PLEKHM1: variants seen among roughly 807,000 people sequenced by gnomAD.
The protein encoded by PLEKHM1 is pleckstrin homology and RUN domain containing M1, also known as pleckstrin homology domain-containing family M member 1.
A neutral mutation model predicts 94.3 loss-of-function variants in PLEKHM1; 28 were observed. The observed-to-expected ratio is 0.30, with a 90% CI of 0.22 to 0.41. The LOEUF is 0.41. Ranked by LOEUF, PLEKHM1 falls within the 10% of genes least tolerant of loss-of-function variation. The probability of loss-of-function intolerance (pLI) is 1.00; values close to 1 mark genes in which losing one functional copy is unlikely to be tolerated. For synonymous variants in PLEKHM1, 424 were observed against 581.2 expected, an observed-to-expected ratio of 0.73 and a Z score of 3.89; for missense variants, 907 against 1,358.6, an observed-to-expected ratio of 0.67 and a Z score of 5.22.
At position 45,440,165 on chromosome 17, in the gene PLEKHM1, G is replaced by A; in HGVS notation, c.2899C>T (p.Gln967Ter). 6.2e-7 allele frequency: 1 copy of A among 1,613,464 alleles called. No individual in the cohort carries two copies. The highest frequency in any genetic ancestry group is 1.7e-5 in the Admixed American group (1 of 60,034). ...CGGGGGAAGCATGACACTCTTACCT[G>A]TTGGAGGTCAGCAACACTGAACCTA... Reference protein sequence around the residue: ...PHRFSVADLQQIADGVYEGFL... With the variant: ...PHRFSVADLQ The change falls in exon 10 of 12, where the codon CAG becomes TAG. Residue 967 changes from glutamine to a stop codon, truncating the protein, a stop_gained and splice_region_variant. Coordinates refer to ENST00000430334, the MANE Select transcript of PLEKHM1 (RefSeq NM_014798.3). LOFTEE classifies it high-confidence loss of function.
intron 7 of PLEKHM1, among the ~76,000 whole-genome samples, chr17:45,450,991 CAG>C (rs1381710799): frequency 6.9e-6 from 1 of 145,248 alleles, no homozygotes; most frequent in Non-Finnish European, 1.5e-5. Flanking sequence ...AATGGATGCT[CAG>C]AGAGGTTAGG....
chr17:45,440,054 C>A (rs934129183), intron 10 of PLEKHM1, 109 bp downstream of exon 10: 4 of 1,049,666 alleles, frequency 3.8e-6, no homozygotes, highest in Non-Finnish European at 5.9e-6. Context: ...CTACAGACTG[C>A]TGTCTTCTTC....
chr17:45,453,124 G>A lies in PLEKHM1; in HGVS notation c.2497+231C>T, dbSNP rs2145213724. On this transcript the variant is annotated intron_variant, in intron 7 of 11. Transcript: ENST00000430334. The surrounding 1 kb of genome is among the most constrained non-coding windows in gnomAD (Gnocchi z 4.1). ...AGCCTGCCGCCCATCAGTGGGAGGT[G>A]GCAGGAGAGGGACGGGTGAGCAGGG... 1.6e-6 allele frequency: 1 copy of A among 617,546 alleles called. No individual in the cohort carries two copies. Among genetic ancestry groups the A allele is most frequent in the East Asian group, 2.7e-5 (1 of 36,388 alleles). 38.3% of individuals were successfully genotyped at this position (617,546 alleles called of 1,614,324 possible).
In PLEKHM1 at chr17:45,440,217, G is replaced by A. The variant is rs1478131705; in HGVS notation, c.2847C>T (p.His949=). The A allele has an allele frequency of 6.2e-7, 1 of 1,613,980 alleles. No individual in the cohort carries two copies. Among genetic ancestry groups the A allele is most frequent in the Non-Finnish European group, 8.5e-7 (1 of 1,179,948 alleles). The change falls in exon 10 of 12, where the codon CAC becomes CAT. Residue 949 remains histidine (H), a synonymous_variant. Coordinates refer to ENST00000430334, the MANE Select transcript of PLEKHM1 (RefSeq NM_014798.3). The part of the protein sequence containing the change: ...ALKELSKRLN[H]RNYLLESPHR... ...GCGGAGATTCCAAGAGATAATTCCT[G>A]TGGTTGAGCCTTCAAACAAAACACA...
Position 45,454,257 on chromosome 17 carries a change from A to G in PLEKHM1, c.1595T>C (p.Phe532Ser). The G allele has an allele frequency of 1.2e-6, 2 of 1,606,884 alleles. No individual in the cohort carries two copies. Among genetic ancestry groups the G allele is most frequent in the Non-Finnish European group, 8.5e-7 (1 of 1,176,930 alleles). Residue 532 changes from phenylalanine (F) to serine (S), a missense_variant, in exon 7 of 12, where the codon TTC becomes TCC. Transcript: ENST00000430334. ...GGTGCCCAGCTTCATGAGACCCCGG[A>G]ATGGGTTGGACAGTCCTGGAGGCAG... is the stretch of plus-strand genomic sequence containing the variant. ...HRRQMGLSNP[F>S]RGLMKLGTVE... is the part of the protein sequence containing the mutation.
At chr17:45,487,715 GGAT>G (rs1474838297) in intron 1 of PLEKHM1, 6 of 456,050 alleles carry the variant, frequency 1.3e-5, no homozygotes, top group Non-Finnish European at 4.4e-6. Context: ...AGAATGACTT[GGAT>G]GAGACTTACG....
At position 45,445,456 on chromosome 17, in the gene PLEKHM1, T is replaced by C. The variant is rs1382495041; in HGVS notation, c.2837+14A>G. On this transcript the variant is annotated intron_variant, in intron 9 of 11. Transcript: ENST00000430334. This position sits in a 1 kb window ranked among gnomAD's most constrained non-coding sequence, Gnocchi z 4.2. ...GTACGTGCACTCACACGCATACACG[T>C]AGAGGTTGCTCACCTCTTGCTGAGC... is the stretch of plus-strand genomic sequence containing the variant. The C allele has an allele frequency of 1.2e-6, 2 of 1,604,602 alleles. No homozygotes were observed. The highest frequency in any genetic ancestry group is 3.3e-5 in the Admixed American group (2 of 59,998).
At chr17:45,479,517 CAAA>C (rs55781182) in intron 2 of PLEKHM1, among the ~76,000 whole-genome samples, 6 of 86,364 alleles carry the variant, frequency 6.9e-5, no homozygotes, top group Admixed American at 1.3e-4. Flanking sequence ...GACTCCGCCT[CAAA>C]AAAAAAAAAA....
At position 45,436,503 on chromosome 17, in the gene PLEKHM1, C is replaced by T. The variant is rs1395365561; in HGVS notation, c.*1355G>A. 2.2e-6 allele frequency: 1 copy of T among 453,504 alleles called. No homozygotes were observed. Among genetic ancestry groups the T allele is most frequent in the South Asian group, 1.6e-5 (1 of 64,434 alleles). The allele number at this position is 453,504 out of a possible 1,614,324, so 28.1% of individuals were successfully genotyped here. Reference sequence around the variant, plus strand: ...ATCTCTGACAGTGACATGCGGCTCTCCACCTGAGGCCTGACTCCAAGCTGA... The same window carrying T: ...ATCTCTGACAGTGACATGCGGCTCTTCACCTGAGGCCTGACTCCAAGCTGA... On this transcript the variant is annotated 3_prime_UTR_variant, in exon 12 of 12. Coordinates refer to ENST00000430334, the MANE Select transcript of PLEKHM1 (RefSeq NM_014798.3).
intron 11 of PLEKHM1, 32 bp downstream of exon 11, chr17:45,439,445 C>T: frequency 6.2e-7 from 1 of 1,613,530 alleles, no homozygotes. Flanking sequence ...AAGGGTGGGG[C>T]TGGAAGGCGG....
At position 45,437,769 on chromosome 17, in the gene PLEKHM1, G is replaced by A. The variant is rs73984398; in HGVS notation, c.*89C>T. ...TGACAAGGGGACACAGCTGTGACAC[G>A]GTGAGTATCCTGGGCTGATGGCAAA... On this transcript the variant is annotated 3_prime_UTR_variant, in exon 12 of 12. Coordinates refer to ENST00000430334, the MANE Select transcript of PLEKHM1 (RefSeq NM_014798.3). The surrounding 1 kb of genome is among the most constrained non-coding windows in gnomAD (Gnocchi z 4.0). 25 of 983,642 alleles carry A rather than the reference G, an allele frequency of 2.5e-5. No individual in the cohort carries two copies. Among genetic ancestry groups the A allele is most frequent in the African/African-American group, 2.5e-4 (16 of 63,188 alleles). 60.9% of individuals were successfully genotyped at this position (983,642 alleles called of 1,614,324 possible). A position where few individuals can be genotyped will look rare whatever the true frequency, so the allele number is the denominator to read the frequency against.
chr17:45,454,725 G>A lies in PLEKHM1; in HGVS notation c.1580-453C>T, dbSNP rs568744177. 12 of 285,958 alleles carry A rather than the reference G, an allele frequency of 4.2e-5. No individual in the cohort carries two copies. In the East Asian group the frequency reaches 5.6e-4, roughly 13 times the overall value. The allele number at this position is 285,958 out of a possible 1,614,324, so 17.7% of individuals were successfully genotyped here. ...GTGACTCCCATCGGCACACATGCAC[G>A]CTGTCATTTCTCCCATCTTTAGAAA... On this transcript the variant is annotated intron_variant, in intron 6 of 11. Coordinates refer to ENST00000430334, the MANE Select transcript of PLEKHM1 (RefSeq NM_014798.3).
At chr17:45,472,921 G>A (rs2051563936) in intron 4 of PLEKHM1, among the ~76,000 whole-genome samples, 2 of 152,172 alleles carry the variant, frequency 1.3e-5, no homozygotes, top group Admixed American at 6.5e-5. Context: ...TCCCAAACAC[G>A]TGGGACCTTC....
chr17:45,460,161 G>A (rs1474579296), intron 5 of PLEKHM1: 1 of 152,218 alleles, frequency 6.6e-6, no homozygotes, highest in Non-Finnish European at 1.5e-5. Flanking sequence ...GCCAAGGAAT[G>A]CAAACGAGCA....
At chr17:45,449,904 G>T (rs1449794351) in intron 8 of PLEKHM1, among the ~76,000 whole-genome samples, 1 of 131,700 alleles carries the variant, frequency 7.6e-6, no homozygotes, top group Non-Finnish European at 1.6e-5. Context: ...CTAGCCACCT[G>T]TTCATCCACC....
In PLEKHM1 at chr17:45,436,560, G is replaced by A. The variant is rs771668743; in HGVS notation, c.*1298C>T. The A allele has an allele frequency of 2.4e-5, 11 of 452,416 alleles. No individual in the cohort carries two copies. The highest frequency in any genetic ancestry group is 2.1e-4 in the Admixed American group (9 of 42,488). The allele number at this position is 452,416 out of a possible 1,614,324, so 28.0% of individuals were successfully genotyped here. A position where few individuals can be genotyped will look rare whatever the true frequency, so the allele number is the denominator to read the frequency against. ...GTAAGACAGCTAGGACTGAGGGCCTGCTAGGTCCAGGAGAGGTGGGGGAAG... is the reference window on the plus strand; with the variant it reads ...GTAAGACAGCTAGGACTGAGGGCCTACTAGGTCCAGGAGAGGTGGGGGAAG... On this transcript the variant is annotated 3_prime_UTR_variant, in exon 12 of 12. Transcript: ENST00000430334.
At chr17:45,455,254 G>A (rs1233533704) in intron 6 of PLEKHM1, among the ~76,000 whole-genome samples, 2 of 152,040 alleles carry the variant, frequency 1.3e-5, no homozygotes, top group Non-Finnish European at 2.9e-5. Flanking sequence ...TGCCCTCCTC[G>A]TTGCCAAACC....
rs373587199 is a variant in PLEKHM1, at chr17:45,453,416, C to G, written c.2436G>C (p.Leu812=). The change falls in exon 7 of 12, where the codon CTG becomes CTC. Residue 812 remains leucine (L), a synonymous_variant. Transcript: ENST00000430334. The surrounding 1 kb of genome is among the most constrained non-coding windows in gnomAD (Gnocchi z 4.1). ...CCATGGGGATAGCCACCAGGTACTG[C>G]AGCAGGAAGCCATTCTCCCGGGTGG... ...KFATRENGFL[L]QYLVAIPMEK... 4 of 1,613,638 alleles carry G rather than the reference C, an allele frequency of 2.5e-6. No individual in the cohort carries two copies. The highest frequency in any genetic ancestry group is 3.4e-6 in the Non-Finnish European group (4 of 1,179,784).
At chr17:45,483,364 AAGTC>A in intron 1 of PLEKHM1, among the ~76,000 whole-genome samples, 1 of 150,992 alleles carries the variant, frequency 6.6e-6, no homozygotes, top group Non-Finnish European at 1.5e-5. Context: ...GGAAGAGCTG[AAGTC>A]AGTGAGTGGT....
Sources: gnomAD v4.1 joint callset for allele counts (sites outside exome capture counted in the v4.1 genomes callset) on GRCh38, gnomAD v4.1.1 for gene constraint, Gnocchi (gnomAD v3.1) non-coding constraint, MANE v1.5 for transcripts, NCBI Gene and HGNC (gene_info 2026-07-23, HGNC 2026-07-21) for gene names.